The following EFHD2 variants were observed in gnomAD, a reference collection of about 807,000 sequenced individuals.
EFHD2 encodes EF-hand domain-containing protein D2.
Under a neutral mutation model 20.3 loss-of-function variants are expected in EFHD2, and 12 were observed. That is an observed-to-expected ratio of 0.59 (90% confidence interval 0.38 to 0.96). The LOEUF (loss-of-function observed/expected upper bound fraction) is 0.96. EFHD2 is among the 40% of genes least tolerant of loss of function. The pLI is 0.00. For synonymous variants in EFHD2, 131 were observed against 143.9 expected (o/e 0.91, Z 0.64); for missense variants, 250 against 334.3 (o/e 0.75, Z 1.97).
chr1:15,428,521 A>G lies in EFHD2; in HGVS notation c.592-72A>G, dbSNP rs1227284936. On this transcript the variant is annotated intron_variant, in intron 3 of 3. Coordinates refer to ENST00000375980, the MANE Select transcript of EFHD2 (RefSeq NM_024329.6). ...CAGAAAAATTAAAGAAAAAAGAAAA[A>G]GCAGCTGTAGCACAGAGAACCCCCA... 10 of 1,503,266 alleles carry G rather than the reference A, an allele frequency of 6.7e-6. No individual in the cohort carries two copies. In the East Asian group the frequency reaches 2.4e-4, roughly 36 times the overall value. 93.1% of individuals were successfully genotyped at this position (1,503,266 alleles called of 1,614,324 possible). A position where few individuals can be genotyped will look rare whatever the true frequency, so the allele number is the denominator to read the frequency against.
chr1:15,418,856 C>T (rs576356313), intron 1 of EFHD2, among the ~76,000 whole-genome samples: 64 of 152,268 alleles, frequency 4.2e-4, no homozygotes, highest in Admixed American at 1.7e-3. Context: ...CAGAGCCCAG[C>T]GACACCCTTG....
intron 3 of EFHD2, chr1:15,427,832 C>A: frequency 2.2e-6 from 1 of 458,586 alleles, no homozygotes; most frequent in Non-Finnish European, 4.5e-6. Context: ...AACATTCCTT[C>A]CAGAGACTGC....
At chr1:15,427,833 C>A in intron 3 of EFHD2, 1 of 458,806 alleles carries the variant, frequency 2.2e-6, no homozygotes, top group Non-Finnish European at 4.5e-6. Flanking sequence ...ACATTCCTTC[C>A]AGAGACTGCC....
At chr1:15,417,991 T>TCC (rs1557498637) in intron 1 of EFHD2, among the ~76,000 whole-genome samples, 2 of 139,376 alleles carry the variant, frequency 1.4e-5, no homozygotes, top group African/African-American at 5.4e-5. Context: ...CTTTTTTTTT[T>TCC]TTTTTTTTTT....
Position 15,413,735 on chromosome 1 carries a change from CAGTG to C in EFHD2, c.308+3459_308+3462del, listed in dbSNP as rs1303677321. Among the ~76,000 whole-genome samples, 2 of 152,190 alleles carry C rather than the reference CAGTG, an allele frequency of 1.3e-5. No individual in the cohort carries two copies. The highest frequency in any genetic ancestry group is 2.9e-5 in the Non-Finnish European group (2 of 68,022). Reference sequence around the variant, plus strand: ...TTGCTCGGGGTTACGGAGAGGTTCTCAGTGAGGCTGAAACCTTGTATGATGAGGA... The same window carrying C: ...TTGCTCGGGGTTACGGAGAGGTTCTCAGGCTGAAACCTTGTATGATGAGGA... On this transcript the variant is annotated intron_variant, in intron 1 of 3. Coordinates refer to ENST00000375980, the MANE Select transcript of EFHD2 (RefSeq NM_024329.6). The surrounding 1 kb of genome is among the most constrained non-coding windows in gnomAD (Gnocchi z 4.4).
chr1:15,428,822 A>G lies in EFHD2; in HGVS notation c.*98A>G. On this transcript the variant is annotated 3_prime_UTR_variant, in exon 4 of 4. Coordinates refer to ENST00000375980, the MANE Select transcript of EFHD2 (RefSeq NM_024329.6). ...TGAATCCTTGCCTGTGTCTGACGGG[A>G]CCACTACTAAAAACCTAAAAATATC... The G allele has an allele frequency of 6.6e-7, 1 of 1,516,110 alleles. No individual in the cohort carries two copies. The highest frequency in any genetic ancestry group is 8.9e-7 in the Non-Finnish European group (1 of 1,124,264). The allele number at this position is 1,516,110 out of a possible 1,614,324, so 93.9% of individuals were successfully genotyped here.
intron 3 of EFHD2, among the ~76,000 whole-genome samples, chr1:15,427,706 C>G (rs768771430): frequency 6.6e-6 from 1 of 152,184 alleles, no homozygotes; most frequent in African/African-American, 2.4e-5. Context: ...ATGCATGACA[C>G]CCTCCCCTTT....
rs1707876362 is a variant in EFHD2, at chr1:15,426,681, T to C, written c.457-469T>C. On this transcript the variant is annotated intron_variant, in intron 2 of 3. Coordinates refer to ENST00000375980, the MANE Select transcript of EFHD2 (RefSeq NM_024329.6). This position sits in a 1 kb window ranked among gnomAD's most constrained non-coding sequence, Gnocchi z 4.6. ...AGTGCGAGTGGCTGGGCGGGAGGTG[T>C]GGGCAGTGCAGGGTAACAGCTTAGA... Among the ~76,000 whole-genome samples, 1 of 151,724 alleles carries C rather than the reference T, an allele frequency of 6.6e-6. No individual in the cohort carries two copies. The highest frequency in any genetic ancestry group is 1.5e-5 in the Non-Finnish European group (1 of 67,892).
intron 1 of EFHD2, among the ~76,000 whole-genome samples, chr1:15,416,656 C>A (rs1707676955): frequency 6.6e-6 from 1 of 150,962 alleles, no homozygotes; most frequent in African/African-American, 2.5e-5. Flanking sequence ...AGTCACATAG[C>A]CAGTGAGGGG....
chr1:15,422,713 T>G (rs1707812955), intron 1 of EFHD2, among the ~76,000 whole-genome samples: 1 of 151,840 alleles, frequency 6.6e-6, no homozygotes, highest in Admixed American at 6.6e-5. Flanking sequence ...TACAAAAAAT[T>G]AGCCGAGCGT....
At chr1:15,422,078 T>C (rs1707800900) in intron 1 of EFHD2, among the ~76,000 whole-genome samples, 1 of 147,520 alleles carries the variant, frequency 6.8e-6, no homozygotes, top group African/African-American at 2.5e-5. Context: ...TGGGGCCAGG[T>C]CATTCCATTT....
intron 1 of EFHD2, among the ~76,000 whole-genome samples, chr1:15,422,085 ATTTTTTTTTT>A (rs71000400): frequency 2.3e-5 from 2 of 86,634 alleles, no homozygotes; most frequent in Non-Finnish European, 4.4e-5. Context: ...AGGTCATTCC[ATTTTTTTTTT>A]TTTTTTTTTT....
chr1:15,423,364 G>A (rs1707824796), intron 1 of EFHD2, among the ~76,000 whole-genome samples: 1 of 152,220 alleles, frequency 6.6e-6, no homozygotes, highest in Admixed American at 6.5e-5. Flanking sequence ...CATCTTTGCT[G>A]TGTCACTTTC....
chr1:15,423,432 G>A (rs1368596331), intron 1 of EFHD2, among the ~76,000 whole-genome samples: 4 of 152,166 alleles, frequency 2.6e-5, no homozygotes, highest in Non-Finnish European at 5.9e-5. Flanking sequence ...TGCTCCCCTT[G>A]TGCTCCAGGC....
intron 1 of EFHD2, 135 bp from the exon 2 acceptor site, chr1:15,425,736 G>A (rs1288190661): frequency 7.8e-7 from 1 of 1,281,744 alleles, no homozygotes; most frequent in South Asian, 1.5e-5. Context: ...TGCCTGGACT[G>A]AGGTCCCTTC....
rs72881517 is a variant in EFHD2, at chr1:15,413,505, G to A, written c.308+3226G>A. 0.056 allele frequency among the ~76,000 whole-genome samples: 8,591 copies of A among 152,190 alleles called. 276 individuals are homozygous for A. Among genetic ancestry groups the A allele is most frequent in the Middle Eastern group, 0.16 (46 of 294 alleles). The stretch of plus-strand genomic sequence containing the variant: ...CCAGGGCCTTCTGGTCCACCCCTCC[G>A]TGTTGATTCAGCAGGTACTTCCTGA... On this transcript the variant is annotated intron_variant, in intron 1 of 3. Transcript: ENST00000375980. This position sits in a 1 kb window ranked among gnomAD's most constrained non-coding sequence, Gnocchi z 4.4.
chr1:15,428,709 G>A lies in EFHD2; in HGVS notation c.708G>A (p.Gln236=), dbSNP rs545211881. The A allele has an allele frequency of 6.3e-7, 1 of 1,592,182 alleles. No individual in the cohort carries two copies. The highest frequency in any genetic ancestry group is 1.1e-5 in the South Asian group (1 of 88,038). The change falls in exon 4 of 4, where the codon CAG becomes CAA. Residue 236 remains glutamine, a synonymous_variant. Coordinates refer to ENST00000375980, the MANE Select transcript of EFHD2 (RefSeq NM_024329.6). ...GGAAAGCGGCCTTCAAGGAGCTGCA[G>A]TCCACCTTTAAGTAGCGGGGGCTGC... ...KQRKAAFKEL[Q]STFK
chr1:15,425,994 T>C lies in EFHD2; in HGVS notation c.432T>C (p.Phe144=). ...KNMIKEVDED[F]DSKLSFREFL... is the part of the protein sequence containing the mutation. ...TGATCAAGGAGGTGGATGAGGACTT[T>C]GACAGCAAGCTGAGCTTCCGGGAGG... The change falls in exon 2 of 4, where the codon TTT becomes TTC. Residue 144 remains phenylalanine (F), a synonymous_variant. Transcript: ENST00000375980. 1.3e-6 allele frequency: 2 copies of C among 1,589,808 alleles called. No individual in the cohort carries two copies. Among genetic ancestry groups the C allele is most frequent in the South Asian group, 1.1e-5 (1 of 87,454 alleles).
chr1:15,415,483 T>A (rs1373395424), intron 1 of EFHD2, among the ~76,000 whole-genome samples: 1 of 150,934 alleles, frequency 6.6e-6, no homozygotes, highest in Non-Finnish European at 1.5e-5. Flanking sequence ...ATACTGTCTT[T>A]GTTTTCCTTT....
Sources: allele counts gnomAD v4.1 joint callset (sites outside exome capture counted in the v4.1 genomes callset), GRCh38; gene constraint gnomAD v4.1.1; non-coding constraint Gnocchi (gnomAD v3.1); transcripts MANE v1.5; gene names NCBI Gene and HGNC (gene_info 2026-07-23, HGNC 2026-07-21).